Variants in SCN1A observed in about 807,000 individuals in gnomAD.
SCN1A encodes the protein sodium voltage-gated channel alpha subunit 1, also known as sodium channel protein type 1 subunit alpha.
Under a neutral mutation model 193.7 loss-of-function variants are expected in SCN1A, and 13 were observed. The ratio of observed to expected loss-of-function variants is 0.07; its 90% CI spans 0.04 to 0.11. SCN1A has a LOEUF of 0.11. Ranked by LOEUF, SCN1A falls within the 10% of genes least tolerant of loss-of-function variation. SCN1A has a pLI of 1.00. For synonymous variants in SCN1A, 781 were observed against 843.6 expected (o/e 0.93, Z 1.29); for missense variants, 1,432 against 2,451.1 (o/e 0.58, Z 8.78).
At chr2:166,031,968 ATATT>A (rs1291412652) in intron 19 of SCN1A, among the ~76,000 whole-genome samples, 2 of 152,078 alleles carry the variant, frequency 1.3e-5, no homozygotes, top group Non-Finnish European at 2.9e-5. Context: ...CTAAAAACAA[ATATT>A]TAGTGTATGA....
chr2:166,048,910 A>G lies in SCN1A; in HGVS notation c.1004T>C (p.Leu335Pro). Residue 335 changes from leucine to proline, a missense_variant, in exon 10 of 29, where the codon CTA (leucine) becomes CCA (proline). By Grantham distance (98) the Leu-to-Pro change is moderately conservative. This residue lies in a region of SCN1A where 52 missense variants were observed against 59.6 expected (regional missense o/e 0.87). Transcript: ENST00000674923. ...CCCTGCATCAGAGCTATTTCCACAT[A>G]GTAGTGCATCTAAAAAACCCTCCAG... is the stretch of plus-strand genomic sequence containing the variant. ...YFLEGFLDAL[L>P]CGNSSDAGQC... is the part of the protein sequence containing the mutation. The G allele has an allele frequency of 6.2e-7, 1 of 1,606,742 alleles. No individual in the cohort carries two copies. Among genetic ancestry groups the G allele is most frequent in the East Asian group, 2.2e-5 (1 of 44,656 alleles).
At chr2:166,091,441 T>C (rs1007697168) in intron 2 of SCN1A, among the ~76,000 whole-genome samples, 7 of 152,168 alleles carry the variant, frequency 4.6e-5, no homozygotes, top group African/African-American at 1.7e-4. Context: ...TGCTACTGAA[T>C]TGAATAAAGA....
chr2:166,047,354 T>C (rs1048221899), intron 11 of SCN1A, among the ~76,000 whole-genome samples: 21 of 152,096 alleles, frequency 1.4e-4, no homozygotes, highest in African/African-American at 5.1e-4. Context: ...AGGGGGTAGA[T>C]AGGGCTGAAG....
At chr2:166,013,945 A>G (rs370305446) in intron 20 of SCN1A, 47 bp from the exon 21 acceptor site, 24 of 1,597,198 alleles carry the variant, frequency 1.5e-5, no homozygotes, top group Non-Finnish European at 1.9e-5. Context: ...CTCTGCTTCC[A>G]TAATATCCTT....
intron 1 of SCN1A, among the ~76,000 whole-genome samples, chr2:166,133,526 T>C (rs1453476340): frequency 3.9e-5 from 6 of 152,158 alleles, no homozygotes; most frequent in Non-Finnish European, 8.8e-5. Flanking sequence ...CAAAATTACT[T>C]TTTATCACTT....
intron 1 of SCN1A, among the ~76,000 whole-genome samples, chr2:166,133,264 G>T (rs1181608653): frequency 6.6e-6 from 1 of 152,150 alleles, no homozygotes; most frequent in Non-Finnish European, 1.5e-5. Flanking sequence ...CCAGAATTAT[G>T]TCTGCAGGTG....
At chr2:166,099,439 T>G (rs1319688077) in intron 2 of SCN1A, among the ~76,000 whole-genome samples, 1 of 145,132 alleles carries the variant, frequency 6.9e-6, no homozygotes, top group South Asian at 2.2e-4. Flanking sequence ...GCATTCCCTT[T>G]GAAAACGGGC....
intron 16 of SCN1A, among the ~76,000 whole-genome samples, chr2:166,039,910 CTTTTTTTTTTT>C (rs10523688): frequency 3.6e-5 from 4 of 110,884 alleles, no homozygotes; most frequent in African/African-American, 6.4e-5. Context: ...TACAAGTCAT[CTTTTTTTTTTT>C]TTTTTTTTTT....
At chr2:166,065,883 G>A (rs1204219872) in intron 4 of SCN1A, among the ~76,000 whole-genome samples, 1 of 152,080 alleles carries the variant, frequency 6.6e-6, no homozygotes, top group African/African-American at 2.4e-5. Flanking sequence ...GTGTGTGAAA[G>A]ATTTTCTGAT....
Position 166,043,856 on chromosome 2 carries a change from T to C in SCN1A, c.1856A>G (p.Asn619Ser). 1.2e-6 allele frequency: 2 copies of C among 1,614,150 alleles called. No homozygotes were observed. The highest frequency in any genetic ancestry group is 1.7e-6 in the Non-Finnish European group (2 of 1,180,004). Reference sequence around the variant, plus strand: ...CCTACTGGTCTGACTCAGGTTGCTGTTGCGTCTCTCTCCGTGTCGTCGGGG... The same window carrying C: ...CCTACTGGTCTGACTCAGGTTGCTGCTGCGTCTCTCTCCGTGTCGTCGGGG... ...FVPRRHGERR[N>S]SNLSQTSRSS... is the part of the protein sequence containing the mutation. Residue 619 changes from asparagine (N) to serine (S), a missense_variant, in exon 14 of 29, where the codon AAC (asparagine) becomes AGC (serine). Asn to Ser is a conservative substitution (Grantham distance 46, BLOSUM62 1). Coordinates refer to ENST00000674923, the MANE Select transcript of SCN1A (RefSeq NM_001165963.4).
At chr2:166,003,488 G>A (rs1167902052) in intron 23 of SCN1A, among the ~76,000 whole-genome samples, 1 of 150,956 alleles carries the variant, frequency 6.6e-6, no homozygotes, top group Admixed American at 6.6e-5. Context: ...CAAATCTGAT[G>A]TGATCACATG....
chr2:166,142,517 T>G (rs1324815012), intron 1 of SCN1A, among the ~76,000 whole-genome samples: 1 of 152,222 alleles, frequency 6.6e-6, no homozygotes, highest in Non-Finnish European at 1.5e-5. Context: ...ATGCTTTTAC[T>G]AGAAGCTGTA....
intron 28 of SCN1A, chr2:165,993,918 GT>G: frequency 1.8e-6 from 1 of 570,580 alleles, no homozygotes; most frequent in Non-Finnish European, 3.1e-6. Flanking sequence ...AATGAATGAG[GT>G]TTTACTACAT....
At chr2:166,062,468 A>G (rs1683410732) in intron 4 of SCN1A, among the ~76,000 whole-genome samples, 1 of 152,098 alleles carries the variant, frequency 6.6e-6, no homozygotes, top group Admixed American at 6.6e-5. Context: ...TCAGTTTATA[A>G]GTGTTAAGAA....
At chr2:166,072,360 G>T (rs1375744732) in intron 4 of SCN1A, among the ~76,000 whole-genome samples, 1 of 152,128 alleles carries the variant, frequency 6.6e-6, no homozygotes, top group Non-Finnish European at 1.5e-5. Flanking sequence ...CAGTCATAAT[G>T]AACGGTTGGA....
rs748537030 is a variant in SCN1A at position 166,036,465 on chromosome 2, A to G, written c.3012T>C (p.Asp1004=). ...GGAGATTATTCATTTCATTATCATC[A>G]TCAGTGGCTGCAAGGTTGTCTGCAC... ...SFSADNLAAT[D]DDNEMNNLQI... is the part of the protein sequence containing the mutation. Residue 1004 remains aspartate, a synonymous_variant, in exon 19 of 29, where the codon GAT becomes GAC. Transcript: ENST00000674923. The G allele has an allele frequency of 8.7e-6, 14 of 1,611,396 alleles. No homozygotes were observed. The Admixed American group carries it at 1.0e-4, about 12-fold the overall frequency.
intron 6 of SCN1A, 71 bp downstream of exon 6, chr2:166,056,340 A>T: frequency 1.0e-6 from 1 of 972,686 alleles, no homozygotes; most frequent in Non-Finnish European, 1.6e-6. Flanking sequence ...GTTTTATTTT[A>T]AGACTACATT....
At chr2:166,065,653 C>G (rs375540611) in intron 4 of SCN1A, among the ~76,000 whole-genome samples, 3 of 152,050 alleles carry the variant, frequency 2.0e-5, no homozygotes, top group African/African-American at 7.2e-5. Context: ...CAGTGATAAC[C>G]AGACTAAACA....
chr2:166,100,671 A>G (rs1372509299), intron 2 of SCN1A, among the ~76,000 whole-genome samples: 153 of 146,952 alleles, frequency 1.0e-3, no homozygotes, highest in African/African-American at 3.8e-3. Flanking sequence ...TACAAGAAAA[A>G]AACAACCCCA....
Sources: allele counts gnomAD v4.1 joint callset (sites outside exome capture counted in the v4.1 genomes callset), GRCh38; gene constraint gnomAD v4.1.1; regional missense constraint gnomAD v4.1.1; transcripts MANE v1.5; gene names NCBI Gene and HGNC (gene_info 2026-07-23, HGNC 2026-07-21).